Variants in GRAMD1A observed in about 807,000 individuals in gnomAD.
GRAMD1A encodes protein Aster-A.
GRAMD1A carries 50 observed loss-of-function variants against 92.0 expected under a neutral mutation model. The observed-to-expected ratio is 0.54, with a 90% confidence interval of 0.43 to 0.69. The LOEUF (loss-of-function observed/expected upper bound fraction) is 0.69, where lower values mean the gene tolerates loss of function less well. Among genes scored for constraint, GRAMD1A ranks in the 30% least tolerant of loss-of-function variants. The pLI is 0.00. For missense variants in GRAMD1A, 819 were observed against 978.9 expected (o/e 0.84, Z 2.18); for synonymous variants, 405 against 403.6 (o/e 1.00, Z -0.04).
At position 35,011,566 on chromosome 19, in the gene GRAMD1A, TG is replaced by T; in HGVS notation, c.606+13del. 1 of 1,589,470 alleles carries T rather than the reference TG, an allele frequency of 6.3e-7. No individual in the cohort carries two copies. The highest frequency in any genetic ancestry group is 1.7e-4 in the Middle Eastern group (1 of 6,024). On this transcript the variant is annotated intron_variant, in intron 7 of 19. Transcript: ENST00000317991. Reference sequence around the variant, plus strand: ...CACTGCTTGAAAAGGTGGGCCTGGGTGAGGCCCGGGTGGGGATGGGGGGTTT... The same window carrying T: ...CACTGCTTGAAAAGGTGGGCCTGGGTAGGCCCGGGTGGGGATGGGGGGTTT...
chr19:34,996,070 G>C (rs2014023370), upstream of GRAMD1A: 3 of 1,535,912 alleles, frequency 2.0e-6, no homozygotes, highest in Non-Finnish European at 2.6e-6. Flanking sequence ...TGTTGGCACA[G>C]GGCAGTCCCC....
intron 7 of GRAMD1A, among the ~76,000 whole-genome samples, chr19:35,011,950 C>T (rs1193284163): frequency 2.0e-5 from 3 of 152,158 alleles, no homozygotes; most frequent in Admixed American, 6.5e-5. Flanking sequence ...TCAGAGGCTC[C>T]GATGTCCCTG....
intron 1 of GRAMD1A, among the ~76,000 whole-genome samples, chr19:35,001,483 G>T (rs2014365975): frequency 6.6e-6 from 1 of 152,194 alleles, no homozygotes; most frequent in Admixed American, 6.5e-5. Context: ...AAGCGTTGCT[G>T]TAAGTTACCA....
rs748704406 is a variant in GRAMD1A, at chr19:35,011,572, C to T, written c.606+18C>T. ...TTGAAAAGGTGGGCCTGGGTGAGGC[C>T]CGGGTGGGGATGGGGGGTTTCCAGG... On this transcript the variant is annotated intron_variant, in intron 7 of 19. Transcript: ENST00000317991. 1 of 1,584,448 alleles carries T rather than the reference C, an allele frequency of 6.3e-7. No homozygotes were observed.
At position 35,026,019 on chromosome 19, in the gene GRAMD1A, CCCCCGACCCTGCTCACCTCCT is replaced by C; in HGVS notation, c.2083-24_2083-4del. On this transcript the variant is annotated splice_polypyrimidine_tract_variant and intron_variant, in intron 19 of 19. Coordinates refer to ENST00000317991, the MANE Select transcript of GRAMD1A (RefSeq NM_020895.5). ...ATCACCCCCCAGCCTCCAGCGTTCA[CCCCCGACCCTGCTCACCTCCT>C]CCCCGCAGATGAAGTTCTCGCTGGA... The C allele has an allele frequency of 8.3e-7, 1 of 1,205,990 alleles. No homozygotes were observed. The highest frequency in any genetic ancestry group is 1.2e-6 in the Non-Finnish European group (1 of 808,752). The allele number at this position is 1,205,990 out of a possible 1,614,324, so 74.7% of individuals were successfully genotyped here.
At chr19:35,015,719 G>A in intron 10 of GRAMD1A, 105 bp from the exon 11 acceptor site, 1 of 1,079,854 alleles carries the variant, frequency 9.3e-7, no homozygotes, top group Non-Finnish European at 1.3e-6. Flanking sequence ...CCAGGAGGTG[G>A]GGTCCGCCCA....
Position 35,000,987 on chromosome 19 carries a change from C to T in GRAMD1A, c.8+501C>T, listed in dbSNP as rs2014324489. Reference sequence around the variant, plus strand: ...TCCTTGGCTGTTGCGGGTCTCGGGGCTGCCGGGGGTGGGGGCTTCCTGCGT... The same window carrying T: ...TCCTTGGCTGTTGCGGGTCTCGGGGTTGCCGGGGGTGGGGGCTTCCTGCGT... On this transcript the variant is annotated intron_variant, in intron 1 of 19. Transcript: ENST00000317991. This position sits in a 1 kb window ranked among gnomAD's most constrained non-coding sequence, Gnocchi z 4.9. 6.6e-6 allele frequency among the ~76,000 whole-genome samples: 1 copy of T among 151,666 alleles called. No homozygotes were observed. Among genetic ancestry groups the T allele is most frequent in the Non-Finnish European group, 1.5e-5 (1 of 67,846 alleles).
At chr19:35,007,414 G>A (rs781642903) in intron 1 of GRAMD1A, among the ~76,000 whole-genome samples, 2 of 152,110 alleles carry the variant, frequency 1.3e-5, no homozygotes, top group Non-Finnish European at 2.9e-5. Flanking sequence ...AAAAATTAGC[G>A]GGGCATGATG....
chr19:35,005,733 CAG>C (rs1328470371), intron 1 of GRAMD1A, among the ~76,000 whole-genome samples: 9 of 152,262 alleles, frequency 5.9e-5, no homozygotes, highest in African/African-American at 1.9e-4. Context: ...GTGCTGGGGA[CAG>C]AGCAGTGACC....
At chr19:35,019,876 G>A (rs2015924535) in intron 13 of GRAMD1A, among the ~76,000 whole-genome samples, 1 of 152,212 alleles carries the variant, frequency 6.6e-6, no homozygotes, top group Admixed American at 6.5e-5. Flanking sequence ...GGCCTATGGA[G>A]AAAAATGAGG....
At chr19:35,022,332 G>A (rs1352476065) in intron 16 of GRAMD1A, among the ~76,000 whole-genome samples, 2 of 152,148 alleles carry the variant, frequency 1.3e-5, no homozygotes, top group Non-Finnish European at 2.9e-5. Flanking sequence ...CTGGAATTAG[G>A]TGCACAGGGA....
In GRAMD1A at chr19:35,019,522, G is replaced by A. The variant is rs147684177; in HGVS notation, c.1464G>A (p.Lys488=). Reference sequence around the variant, plus strand: ...GCATCCTGGGTCTGGCCCGGAACAAGGCGCGGCTCCGGTGAGTGGTGGCTG... The same window carrying A: ...GCATCCTGGGTCTGGCCCGGAACAAAGCGCGGCTCCGGTGAGTGGTGGCTG... The part of the protein sequence containing the change: ...RYCILGLARN[K]ARLRVSSEIR... The change falls in exon 13 of 20, where the codon AAG becomes AAA. Residue 488 remains lysine, a synonymous_variant. Transcript: ENST00000317991. 8.7e-4 allele frequency: 1,399 copies of A among 1,614,012 alleles called. 10 individuals carry two copies. The African/African-American group carries it at 0.017, about 19-fold the overall frequency.
rs552044616 is a variant in GRAMD1A at position 35,013,884 on chromosome 19, G to A, written c.870+193G>A. On this transcript the variant is annotated intron_variant, in intron 9 of 19. Coordinates refer to ENST00000317991, the MANE Select transcript of GRAMD1A (RefSeq NM_020895.5). This position sits in a 1 kb window ranked among gnomAD's most constrained non-coding sequence, Gnocchi z 4.9. ...GGGAAAGAGAGACAGGGAAGAGAGG[G>A]GACAGACAGAAAGGATGAGAGACAG... 6.6e-6 allele frequency among the ~76,000 whole-genome samples: 1 copy of A among 152,228 alleles called. No homozygotes were observed. The highest frequency in any genetic ancestry group is 2.1e-4 in the South Asian group (1 of 4,824).
rs1278872696 is a variant in GRAMD1A, at chr19:35,026,192, G to C, written c.*51G>C. 2.1e-6 allele frequency: 2 copies of C among 958,902 alleles called. No individual in the cohort carries two copies. The highest frequency in any genetic ancestry group is 3.4e-6 in the Non-Finnish European group (2 of 590,756). 59.4% of individuals were successfully genotyped at this position (958,902 alleles called of 1,614,324 possible). A position where few individuals can be genotyped will look rare whatever the true frequency, so the allele number is the denominator to read the frequency against. On this transcript the variant is annotated 3_prime_UTR_variant, in exon 20 of 20. Transcript: ENST00000317991. ...CCACATGGACAGATGGACACACAGA[G>C]CCTCGGCGGCCACTGCTGGCACGGT...
intron 1 of GRAMD1A, among the ~76,000 whole-genome samples, chr19:35,002,087 A>G (rs914573027): frequency 6.6e-6 from 1 of 151,430 alleles, no homozygotes; most frequent in Non-Finnish European, 1.5e-5. Context: ...TACAGCTGAG[A>G]CCCTCTGTGG....
At chr19:35,022,237 C>G (rs1461297186) in intron 16 of GRAMD1A, among the ~76,000 whole-genome samples, 199 bp downstream of exon 16, 1 of 151,508 alleles carries the variant, frequency 6.6e-6, no homozygotes, top group Non-Finnish European at 1.5e-5. Context: ...ACAGCAGAGC[C>G]GGGGGGGGCT....
chr19:35,014,230 C>T lies in GRAMD1A; in HGVS notation c.912C>T (p.Asp304=), dbSNP rs201330906. The change falls in exon 10 of 20, where the codon GAC becomes GAT. Residue 304 remains aspartate (D), a synonymous_variant. Transcript: ENST00000317991. ...DKEEQVDSQP[D]ASSSQTVTPV... The stretch of plus-strand genomic sequence containing the variant: ...AGGAGCAGGTAGACAGCCAGCCAGA[C>T]GCCTCCTCCAGCCAGACAGTGACCC... 1.1e-4 allele frequency: 174 copies of T among 1,614,054 alleles called. No homozygotes were observed. The highest frequency in any genetic ancestry group is 1.3e-4 in the Non-Finnish European group (156 of 1,180,018).
chr19:35,007,494 GT>G (rs1008282717), intron 1 of GRAMD1A, among the ~76,000 whole-genome samples: 1 of 152,060 alleles, frequency 6.6e-6, no homozygotes, highest in Non-Finnish European at 1.5e-5. Flanking sequence ...GGAGGTGGAG[GT>G]TGCAGTGAGT....
chr19:35,002,145 G>C (rs2014418982), intron 1 of GRAMD1A, among the ~76,000 whole-genome samples: 1 of 152,016 alleles, frequency 6.6e-6, no homozygotes, highest in South Asian at 2.1e-4. Flanking sequence ...CTCTCTGTAG[G>C]CTTGGAACCC....
Sources: allele counts gnomAD v4.1 joint callset (sites outside exome capture counted in the v4.1 genomes callset), GRCh38; gene constraint gnomAD v4.1.1; non-coding constraint Gnocchi (gnomAD v3.1); transcripts MANE v1.5; gene names NCBI Gene and HGNC (gene_info 2026-07-23, HGNC 2026-07-21).